ELAVL3: variants seen among roughly 807,000 people sequenced by gnomAD.
ELAVL3 encodes the protein ELAV like RNA binding protein 3, also known as ELAV-like protein 3.
Under a neutral mutation model 34.2 loss-of-function variants are expected in ELAVL3, and 8 were observed. The observed-to-expected ratio is 0.23, with a 90% CI of 0.14 to 0.42. ELAVL3 has a LOEUF of 0.42. ELAVL3 is among the 10% of genes least tolerant of loss of function. ELAVL3 has a pLI of 1.00. For synonymous variants in ELAVL3, 209 were observed against 222.1 expected (o/e 0.94, Z 0.53); for missense variants, 273 against 518.8 (o/e 0.53, Z 4.60).
rs1452922465 is a variant in ELAVL3, at chr19:11,480,383, G to A, written c.9+217C>T. 2.2e-6 allele frequency: 1 copy of A among 449,236 alleles called. No individual in the cohort carries two copies. The allele number at this position is 449,236 out of a possible 1,614,324, so 27.8% of individuals were successfully genotyped here. On this transcript the variant is annotated intron_variant, in intron 1 of 6. Coordinates refer to ENST00000359227, the MANE Select transcript of ELAVL3 (RefSeq NM_001420.4). This position sits in a 1 kb window ranked among gnomAD's most constrained non-coding sequence, Gnocchi z 6.8. ...TCGGACGCCTCCCGAATCGCAGTCAGTCTCCCTAAGGCCCTCTCAGACCAA... is the reference window on the plus strand; with the variant it reads ...TCGGACGCCTCCCGAATCGCAGTCAATCTCCCTAAGGCCCTCTCAGACCAA...
At position 11,458,146 on chromosome 19, in the gene ELAVL3, T is replaced by C. The variant is rs767350153; in HGVS notation, c.628A>G (p.Thr210Ala). Residue 210 changes from threonine to alanine, a missense_variant, in exon 5 of 7, where the codon ACG (threonine) becomes GCG (alanine). Around this residue, in one of 4 missense-constraint regions of ELAVL3, gnomAD observed 102 missense variants for 250.1 expected, o/e 0.41. Coordinates refer to ENST00000359227, the MANE Select transcript of ELAVL3 (RefSeq NM_001420.4). The surrounding 1 kb of genome is among the most constrained non-coding windows in gnomAD (Gnocchi z 7.3). ...AGGTGGGTGAGCAGCGCCTGCCCCG[T>C]CTTCTGACTTGGGTTGTTCGCGAAC... ...VKFANNPSQKTGQALLTHLYQ... is the reference protein window; with the variant it reads ...VKFANNPSQKAGQALLTHLYQ... The C allele has an allele frequency of 9.3e-6, 15 of 1,614,112 alleles. No individual in the cohort carries two copies. Among genetic ancestry groups the C allele is most frequent in the Non-Finnish European group, 1.3e-5 (15 of 1,180,016 alleles).
At chr19:11,457,838 C>T (rs543433976) in intron 5 of ELAVL3, among the ~76,000 whole-genome samples, 10 of 152,336 alleles carry the variant, frequency 6.6e-5, no homozygotes, top group African/African-American at 1.4e-4. Context: ...ACCCAGATGA[C>T]GCCAAAATCT....
intron 1 of ELAVL3, among the ~76,000 whole-genome samples, chr19:11,473,897 T>C (rs1971214321): frequency 6.6e-6 from 1 of 152,204 alleles, no homozygotes; most frequent in Non-Finnish European, 1.5e-5. Flanking sequence ...ATAGTCACAC[T>C]GGCCTGGGGT....
At chr19:11,470,080 G>A (rs1023983442) in intron 1 of ELAVL3, among the ~76,000 whole-genome samples, 1 of 151,942 alleles carries the variant, frequency 6.6e-6, no homozygotes, top group Non-Finnish European at 1.5e-5. Flanking sequence ...TAAAGCTGGG[G>A]GCAGTGGCTC....
intron 1 of ELAVL3, among the ~76,000 whole-genome samples, chr19:11,473,458 T>C (rs1289816734): frequency 6.6e-6 from 1 of 152,270 alleles, no homozygotes; most frequent in Non-Finnish European, 1.5e-5. Flanking sequence ...CAATGTCTGC[T>C]GTGGCCACAC....
At chr19:11,478,327 G>T (rs1352274459) in intron 1 of ELAVL3, among the ~76,000 whole-genome samples, 1 of 152,124 alleles carries the variant, frequency 6.6e-6, no homozygotes, top group Non-Finnish European at 1.5e-5. Context: ...TCCCATTTGT[G>T]CCAGAGCTTA....
chr19:11,454,665 T>G lies in ELAVL3; in HGVS notation c.965A>C (p.Asn322Thr), dbSNP rs1249805221. The G allele has an allele frequency of 4.3e-6, 7 of 1,614,088 alleles. No homozygotes were observed. Among genetic ancestry groups the G allele is most frequent in the African/African-American group, 4.0e-5 (3 of 74,944 alleles). Residue 322 changes from asparagine (N) to threonine (T), a missense_variant, in exon 7 of 7, where the codon AAC (asparagine) becomes ACC (threonine). Physicochemically the swap from Asn to Thr is moderately conservative, Grantham distance 65. Around this residue, in one of 4 missense-constraint regions of ELAVL3, gnomAD observed 52 missense variants for 119.6 expected, o/e 0.43. Coordinates refer to ENST00000359227, the MANE Select transcript of ELAVL3 (RefSeq NM_001420.4). The surrounding 1 kb of genome is among the most constrained non-coding windows in gnomAD (Gnocchi z 9.2). ...NVKVIRDFTT[N>T]KCKGFGFVTM... is the part of the protein sequence containing the mutation. ...CACGAAGCCGAAACCCTTGCACTTG[T>G]TGGTGGTGAAATCACGGATGACCTT... is the stretch of plus-strand genomic sequence containing the variant.
intron 3 of ELAVL3, among the ~76,000 whole-genome samples, chr19:11,465,221 A>G (rs1412310409): frequency 7.9e-6 from 1 of 126,202 alleles, no homozygotes; most frequent in African/African-American, 3.0e-5. Context: ...CACACACACC[A>G]CACACATACA....
At chr19:11,457,227 A>G in intron 5 of ELAVL3, 79 bp from the exon 6 acceptor site, 1 of 1,038,340 alleles carries the variant, frequency 9.6e-7, no homozygotes, top group Non-Finnish European at 1.2e-6. Flanking sequence ...TGCCCTCCCC[A>G]CCCCCACCCA....
In ELAVL3 at chr19:11,454,628, G is replaced by C; in HGVS notation, c.1002C>G (p.Asn334Lys). 6.2e-7 allele frequency: 1 copy of C among 1,614,238 alleles called. No individual in the cohort carries two copies. ...CGATGGCCATGGCCGCCTCGTCATA[G>C]TTGGTCATGGTCACGAAGCCGAAAC... ...CKGFGFVTMT[N>K]YDEAAMAIAS... The change falls in exon 7 of 7, where the codon AAC becomes AAG. Residue 334 changes from asparagine to lysine, a missense_variant. Physicochemically the swap from Asn to Lys is moderately conservative, Grantham distance 94. Around this residue, in one of 4 missense-constraint regions of ELAVL3, gnomAD observed 52 missense variants for 119.6 expected, o/e 0.43. Coordinates refer to ENST00000359227, the MANE Select transcript of ELAVL3 (RefSeq NM_001420.4). This position sits in a 1 kb window ranked among gnomAD's most constrained non-coding sequence, Gnocchi z 9.2.
At position 11,452,834 on chromosome 19, in the gene ELAVL3, AT is replaced by A. The variant is rs779987842; in HGVS notation, c.*1691del. 761 of 146,884 alleles carry A rather than the reference AT, an allele frequency of 5.2e-3. 3 individuals are homozygous for A. Among genetic ancestry groups the A allele is most frequent in the South Asian group, 0.012 (55 of 4,638 alleles). 9.1% of individuals were successfully genotyped at this position (146,884 alleles called of 1,614,324 possible). A position where few individuals can be genotyped will look rare whatever the true frequency, so the allele number is the denominator to read the frequency against. On this transcript the variant is annotated 3_prime_UTR_variant, in exon 7 of 7. Coordinates refer to ENST00000359227, the MANE Select transcript of ELAVL3 (RefSeq NM_001420.4). ...GCTCCGGCCTGTGGCTTCTGTTGGA[AT>A]TTTTTTTTTTTAAAGAAAGAAAACT... is the stretch of plus-strand genomic sequence containing the variant.
Position 11,454,950 on chromosome 19 carries a change from T to C in ELAVL3, c.753-73A>G, listed in dbSNP as rs763853188. ...TGACCCCGTTGTGACCCTTCACACC[T>C]TTATGACCCCTGACTGTGCCATGAC... On this transcript the variant is annotated intron_variant, in intron 6 of 6. Transcript: ENST00000359227. The surrounding 1 kb of genome is among the most constrained non-coding windows in gnomAD (Gnocchi z 9.2). 22 of 1,468,642 alleles carry C rather than the reference T, an allele frequency of 1.5e-5. No homozygotes were observed. Among genetic ancestry groups the C allele is most frequent in the Non-Finnish European group, 2.0e-5 (22 of 1,093,368 alleles). 91.0% of individuals were successfully genotyped at this position (1,468,642 alleles called of 1,614,324 possible).
rs1970715325 is a variant in ELAVL3 at position 11,454,117 on chromosome 19, G to A, written c.*409C>T. 2 of 170,608 alleles carry A rather than the reference G, an allele frequency of 1.2e-5. No homozygotes were observed. The highest frequency in any genetic ancestry group is 4.8e-5 in the African/African-American group (2 of 41,984). 10.6% of individuals were successfully genotyped at this position (170,608 alleles called of 1,614,324 possible). ...TACCCCAGGCCCCACCTAGGTGCTG[G>A]GGAGGCCTGGGCAAGGGGGTCTGGG... On this transcript the variant is annotated 3_prime_UTR_variant, in exon 7 of 7. Transcript: ENST00000359227. This position sits in a 1 kb window ranked among gnomAD's most constrained non-coding sequence, Gnocchi z 9.2.
chr19:11,480,446 C>A lies in ELAVL3; in HGVS notation c.9+154G>T, dbSNP rs1971353162. Among the ~76,000 whole-genome samples, 1 of 151,980 alleles carries A rather than the reference C, an allele frequency of 6.6e-6. No homozygotes were observed. Among genetic ancestry groups the A allele is most frequent in the South Asian group, 2.1e-4 (1 of 4,826 alleles). On this transcript the variant is annotated intron_variant, in intron 1 of 6. Transcript: ENST00000359227. The surrounding 1 kb of genome is among the most constrained non-coding windows in gnomAD (Gnocchi z 6.8). ...CTCAGCACTCTGGGCGCGGCCCTGC[C>A]CACTCTCAGGCCCCGAGGCTTGGTC...
At chr19:11,456,766 C>T (rs1383421203) in intron 6 of ELAVL3, among the ~76,000 whole-genome samples, 5 of 152,034 alleles carry the variant, frequency 3.3e-5, no homozygotes, top group Non-Finnish European at 5.9e-5. Flanking sequence ...TAGGCTCAAG[C>T]GATCCTCCCG....
chr19:11,453,379 G>A lies in ELAVL3; in HGVS notation c.*1147C>T, dbSNP rs141996336. The A allele has an allele frequency of 0.042, 6,346 of 152,716 alleles. 155 individuals carry two copies. The highest frequency in any genetic ancestry group is 0.06 in the Middle Eastern group (18 of 300). 9.5% of individuals were successfully genotyped at this position (152,716 alleles called of 1,614,324 possible). A position where few individuals can be genotyped will look rare whatever the true frequency, so the allele number is the denominator to read the frequency against. ...GAGGGGGCCGAGAGGGTGAGGGAGC[G>A]TCTGGGGCAGGGTCTGGGGTGGGAC... On this transcript the variant is annotated 3_prime_UTR_variant, in exon 7 of 7. Transcript: ENST00000359227.
Position 11,456,157 on chromosome 19 carries a change from G to A in ELAVL3, c.752+953C>T, listed in dbSNP as rs566260219. On this transcript the variant is annotated intron_variant, in intron 6 of 6. Coordinates refer to ENST00000359227, the MANE Select transcript of ELAVL3 (RefSeq NM_001420.4). ...ATCTCACTCTGTCGCCCAGGCTGGAGTGCAGTGGCACGATCTCAGCTCACT... is the reference window on the plus strand; with the variant it reads ...ATCTCACTCTGTCGCCCAGGCTGGAATGCAGTGGCACGATCTCAGCTCACT... 1.3e-4 allele frequency among the ~76,000 whole-genome samples: 20 copies of A among 151,976 alleles called. No homozygotes were observed. The South Asian group carries it at 3.9e-3, about 30-fold the overall frequency.
At chr19:11,472,763 A>AAAGGAG (rs1292652960) in intron 1 of ELAVL3, among the ~76,000 whole-genome samples, 5 of 151,790 alleles carry the variant, frequency 3.3e-5, no homozygotes, top group African/African-American at 1.2e-4. Flanking sequence ...AGGAGAAGGA[A>AAAGGAG]AAGGAGAAGG....
chr19:11,462,707 C>T (rs975125375), intron 3 of ELAVL3, among the ~76,000 whole-genome samples: 16 of 151,856 alleles, frequency 1.1e-4, no homozygotes, highest in African/African-American at 3.6e-4. Flanking sequence ...CCTGTAATCC[C>T]AGCACTTTGG....
Sources: allele counts gnomAD v4.1 joint callset (sites outside exome capture counted in the v4.1 genomes callset), GRCh38; gene constraint gnomAD v4.1.1; regional missense constraint gnomAD v4.1.1; non-coding constraint Gnocchi (gnomAD v3.1); transcripts MANE v1.5; gene names NCBI Gene and HGNC (gene_info 2026-07-23, HGNC 2026-07-21).